UNC79: variants seen among roughly 807,000 people sequenced by gnomAD.
The protein encoded by UNC79 is protein unc-79 homolog.
In UNC79, 37 loss-of-function variants were observed where a neutral mutation model predicts 283.1. That is an observed-to-expected ratio of 0.13 (90% CI 0.10 to 0.17). The LOEUF is 0.17. UNC79 is among the 10% of genes least tolerant of loss of function. The pLI is 1.00. For missense variants in UNC79, 2,272 were observed against 3,211.1 expected (o/e 0.71, Z 7.07); for synonymous variants, 1,107 against 1,200.2 (o/e 0.92, Z 1.61).
chr14:93,522,232 A>G (rs971158060), intron 7 of UNC79, among the ~76,000 whole-genome samples: 3 of 152,086 alleles, frequency 2.0e-5, no homozygotes, highest in Non-Finnish European at 2.9e-5. Context: ...AGCAGTTGTT[A>G]TATGTTTTGA....
At position 93,397,760 on chromosome 14, in the gene UNC79, C is replaced by CTTT. The variant is rs2055026829; in HGVS notation, c.-351+64237_-351+64238insTTT. On this transcript the variant is annotated intron_variant, in intron 1 of 49. Transcript: ENST00000256339. The stretch of plus-strand genomic sequence containing the variant: ...TCATCCTTAGAACAATGGTTGGAGT[C>CTTT]ATTTTTTTTTTTTTTTGGCCAGGTA... 1.4e-3 allele frequency among the ~76,000 whole-genome samples: 141 copies of CTTT among 99,662 alleles called. 4 individuals carry two copies. In the South Asian group the frequency reaches 0.047, roughly 33 times the overall value. 65.4% of individuals were successfully genotyped at this position (99,662 alleles called of 152,430 possible).
At chr14:93,595,928 G>A (rs57051660) in intron 23 of UNC79, among the ~76,000 whole-genome samples, 1,856 of 152,066 alleles carry the variant, frequency 0.012, 40 homozygotes, top group African/African-American at 0.042. Context: ...ACATATGTGT[G>A]CTTAATATAT....
At chr14:93,436,741 G>A (rs1243548873) in intron 1 of UNC79, among the ~76,000 whole-genome samples, 1 of 152,140 alleles carries the variant, frequency 6.6e-6, no homozygotes, top group African/African-American at 2.4e-5. Context: ...GTATCAAAAA[G>A]TGCATTAAGC....
At position 93,593,870 on chromosome 14, in the gene UNC79, G is replaced by T. The variant is rs993707607; in HGVS notation, c.3190+33G>T. ...TGTGTTAGCTTAAAACTCATTCTGG[G>T]TCACACAGTACACGGGTGTCTGGTC... On this transcript the variant is annotated intron_variant, in intron 23 of 48. Coordinates refer to ENST00000555664, the Ensembl canonical transcript of UNC79. The T allele has an allele frequency of 7.5e-6, 12 of 1,604,112 alleles. No individual in the cohort carries two copies. In the African/African-American group the frequency reaches 1.2e-4, roughly 16 times the overall value.
At chr14:93,697,562 C>T (rs989618989) in intron 47 of UNC79, among the ~76,000 whole-genome samples, 4 of 152,044 alleles carry the variant, frequency 2.6e-5, no homozygotes, top group South Asian at 2.1e-4. Flanking sequence ...TATTCTAGGT[C>T]ATTTGCCATT....
chr14:93,630,693 A>G (rs1240243245), intron 30 of UNC79, 108 bp from the exon 33 acceptor site: 3 of 785,978 alleles, frequency 3.8e-6, no homozygotes, highest in South Asian at 3.3e-5. Context: ...AGGAAAGTGT[A>G]TAAAGAGTTG....
intron 4 of UNC79, among the ~76,000 whole-genome samples, chr14:93,485,361 T>C (rs1251518031): frequency 6.6e-6 from 1 of 152,010 alleles, no homozygotes; most frequent in East Asian, 1.9e-4. Context: ...GACACCTTAC[T>C]GGGCATTTTC....
intron 26 of UNC79, among the ~76,000 whole-genome samples, chr14:93,604,408 T>C (rs1208136378): frequency 6.6e-6 from 1 of 152,218 alleles, no homozygotes; most frequent in Admixed American, 6.5e-5. Flanking sequence ...AAATGTGTTC[T>C]TTTAAACTTT....
intron 7 of UNC79, among the ~76,000 whole-genome samples, chr14:93,520,656 G>A (rs1426781967): frequency 6.6e-6 from 1 of 151,718 alleles, no homozygotes; most frequent in East Asian, 1.9e-4. Context: ...GTTTTGTTAT[G>A]TCTCCTAATT....
exon 16 of UNC79, chr14:93,572,741 G>A: frequency 6.2e-7 from 1 of 1,614,156 alleles, no homozygotes; most frequent in South Asian, 1.1e-5. Context: ...CAATGGAGGA[G>A]ATGTTTGGTT....
intron 1 of UNC79, among the ~76,000 whole-genome samples, chr14:93,450,312 T>C (rs887224905): frequency 6.6e-6 from 1 of 152,136 alleles, no homozygotes; most frequent in Admixed American, 6.5e-5. Context: ...AGGAACTTTA[T>C]TGGCTCAAGA....
chr14:93,444,880 T>G (rs1484975991), intron 1 of UNC79, among the ~76,000 whole-genome samples: 1 of 152,212 alleles, frequency 6.6e-6, no homozygotes, highest in African/African-American at 2.4e-5. Context: ...AATCAACTTG[T>G]AATTTGCTTC....
intron 12 of UNC79, among the ~76,000 whole-genome samples, chr14:93,539,305 G>C (rs1386042030): frequency 6.7e-6 from 1 of 149,838 alleles, no homozygotes; most frequent in Non-Finnish European, 1.5e-5. Context: ...GGTGGATCAC[G>C]GGGTCAGGAT....
chr14:93,377,784 G>A lies in UNC79; in HGVS notation c.-351+44261G>A, dbSNP rs563369659. On this transcript the variant is annotated intron_variant, in intron 1 of 49. Coordinates refer to the UNC79 transcript ENST00000256339. ...TTGTCCCAATAAAATATTATTGCAC[G>A]AAGATGTGTATTGACCATCAGAATG... Among the ~76,000 whole-genome samples the A allele has an allele frequency of 1.6e-3, 245 of 152,216 alleles. 1 individual carries two copies. The highest frequency in any genetic ancestry group is 2.5e-3 in the Non-Finnish European group (170 of 68,012).
At chr14:93,370,008 G>C in intron 1 of UNC79, among the ~76,000 whole-genome samples, 1 of 152,110 alleles carries the variant, frequency 6.6e-6, no homozygotes, top group East Asian at 1.9e-4. Flanking sequence ...TGTGGAGTTC[G>C]CAGTCCAGAA....
At chr14:93,607,716 C>A (rs1357691221) in intron 26 of UNC79, among the ~76,000 whole-genome samples, 1 of 152,192 alleles carries the variant, frequency 6.6e-6, no homozygotes. Context: ...TCTGCCTCAG[C>A]CTGCAGAGAA....
intron 7 of UNC79, among the ~76,000 whole-genome samples, chr14:93,507,827 A>G (rs1434206635): frequency 1.3e-5 from 2 of 152,148 alleles, no homozygotes; most frequent in Non-Finnish European, 2.9e-5. Flanking sequence ...CAGAAGGTCT[A>G]TATTTCCATT....
Position 93,621,782 on chromosome 14 carries a change from C to T in UNC79, c.4549C>T (p.His1517Tyr), listed in dbSNP as rs1023057590. 4 of 1,613,978 alleles carry T rather than the reference C, an allele frequency of 2.5e-6. No individual in the cohort carries two copies. Among genetic ancestry groups the T allele is most frequent in the Non-Finnish European group, 3.4e-6 (4 of 1,179,990 alleles). Residue 1517 changes from histidine to tyrosine, a missense_variant, in exon 30 of 49, where the codon CAT becomes TAT. By Grantham distance (83) the His-to-Tyr change is moderately conservative. Transcript: ENST00000555664. The surrounding 1 kb of genome is among the most constrained non-coding windows in gnomAD (Gnocchi z 4.8). ...CTCGCTTTTGTTTACATTAGACGAA[C>T]ATCGTAGGAAGTCGTGCATAGATCG...
intron 40 of UNC79, among the ~76,000 whole-genome samples, chr14:93,665,937 G>T (rs1236349238): frequency 6.6e-6 from 1 of 152,000 alleles, no homozygotes; most frequent in East Asian, 1.9e-4. Context: ...TCAGAAATTG[G>T]TACAGTGTGA....
Sources: allele counts gnomAD v4.1 joint callset (sites outside exome capture counted in the v4.1 genomes callset), GRCh38; gene constraint gnomAD v4.1.1; non-coding constraint Gnocchi (gnomAD v3.1); transcripts MANE v1.5; gene names NCBI Gene and HGNC (gene_info 2026-07-23, HGNC 2026-07-21).